Variants in DNM3 observed in about 807,000 individuals in gnomAD.
DNM3 encodes dynamin 3, also known as dynamin-3.
In DNM3, 47 loss-of-function variants were observed where a neutral mutation model predicts 101.6. The observed-to-expected ratio is 0.46, with a 90% CI of 0.37 to 0.59. DNM3 has a LOEUF of 0.59. Ranked by LOEUF, DNM3 falls within the 20% of genes least tolerant of loss-of-function variation. The probability of loss-of-function intolerance (pLI) is 0.00; values close to 1 mark genes in which losing one functional copy is unlikely to be tolerated. For synonymous variants in DNM3, 385 were observed against 387.9 expected, an observed-to-expected ratio of 0.99 and a Z score of 0.09; for missense variants, 849 against 1,085.7, an observed-to-expected ratio of 0.78 and a Z score of 3.06.
At chr1:172,040,437 T>C (rs534615152) in intron 7 of DNM3, among the ~76,000 whole-genome samples, 21 of 152,272 alleles carry the variant, frequency 1.4e-4, no homozygotes, top group Non-Finnish European at 2.5e-4. Flanking sequence ...TATGTTTAAA[T>C]TGGAGTTTCT....
chr1:172,356,772 A>T (rs779460819), intron 17 of DNM3, among the ~76,000 whole-genome samples: 1 of 152,012 alleles, frequency 6.6e-6, no homozygotes, highest in Non-Finnish European at 1.5e-5. Context: ...ACTCACTGTG[A>T]CTCACAGAAA....
intron 1 of DNM3, among the ~76,000 whole-genome samples, chr1:171,914,181 G>C (rs148791417): frequency 0.011 from 1,729 of 151,590 alleles, 32 homozygotes; most frequent in African/African-American, 0.039. Context: ...TTTTGAGATG[G>C]AGTTTTGCTC....
intron 15 of DNM3, among the ~76,000 whole-genome samples, chr1:172,266,572 A>T (rs1408139933): frequency 2.0e-5 from 3 of 152,242 alleles, no homozygotes; most frequent in Non-Finnish European, 4.4e-5. Flanking sequence ...AATGTTTAAG[A>T]CATTACTTCT....
At position 171,912,377 on chromosome 1, in the gene DNM3, C is replaced by T. The variant is rs185746750; in HGVS notation, c.162-9371C>T. Reference sequence around the variant, plus strand: ...TATCAAATAAGTTTCATTAGGGGAACCATAATGAAAAGAAGGGTGAGAAAC... The same window carrying T: ...TATCAAATAAGTTTCATTAGGGGAATCATAATGAAAAGAAGGGTGAGAAAC... On this transcript the variant is annotated intron_variant, in intron 1 of 20. Coordinates refer to ENST00000627582, the MANE Select transcript of DNM3 (RefSeq NM_015569.5). Among the ~76,000 whole-genome samples, 3 of 152,112 alleles carry T rather than the reference C, an allele frequency of 2.0e-5. No homozygotes were observed. In the East Asian group the frequency reaches 5.8e-4, roughly 29 times the overall value.
chr1:172,092,814 C>A lies in DNM3; in HGVS notation c.1494-10C>A. 2.6e-6 allele frequency: 4 copies of A among 1,552,720 alleles called. No individual in the cohort carries two copies. Among genetic ancestry groups the A allele is most frequent in the Non-Finnish European group, 3.5e-6 (4 of 1,147,876 alleles). ...GTCTCTTCAGTGCTGCTTTCCTTTG[C>A]TTTTCTCAGTGCTCAGCAGAGGAGC... On this transcript the variant is annotated splice_polypyrimidine_tract_variant and intron_variant, in intron 12 of 20. Coordinates refer to ENST00000627582, the MANE Select transcript of DNM3 (RefSeq NM_015569.5).
intron 2 of DNM3, among the ~76,000 whole-genome samples, chr1:171,961,250 C>A (rs755784580): frequency 6.6e-6 from 1 of 152,112 alleles, no homozygotes; most frequent in Non-Finnish European, 1.5e-5. Flanking sequence ...CAGCAGTGCA[C>A]TCCAGCCTGG....
At chr1:172,239,670 A>G (rs1457537645) in intron 14 of DNM3, among the ~76,000 whole-genome samples, 1 of 152,100 alleles carries the variant, frequency 6.6e-6, no homozygotes, top group Non-Finnish European at 1.5e-5. Context: ...TGCAGTGAAC[A>G]CAGAGAGCAC....
chr1:172,077,876 ATCTG>A (rs1241507150), intron 11 of DNM3, among the ~76,000 whole-genome samples: 1 of 152,124 alleles, frequency 6.6e-6, no homozygotes, highest in Non-Finnish European at 1.5e-5. Flanking sequence ...TGTCTCGTTG[ATCTG>A]TCTAATATTG....
intron 13 of DNM3, among the ~76,000 whole-genome samples, chr1:172,094,244 T>G (rs1442331227): frequency 6.6e-6 from 1 of 152,164 alleles, no homozygotes; most frequent in Admixed American, 6.6e-5. Flanking sequence ...AAAAGCAAAG[T>G]TATAGTGATG....
Position 172,069,717 on chromosome 1 carries a change from T to C in DNM3, c.1422+812T>C, listed in dbSNP as rs547241417. On this transcript the variant is annotated intron_variant, in intron 11 of 20. Coordinates refer to ENST00000627582, the MANE Select transcript of DNM3 (RefSeq NM_015569.5). Reference sequence around the variant, plus strand: ...TGGAGAGAACACTGGACTTAGGCCATGTGCTCGCCACAAAATAACATCATG... The same window carrying C: ...TGGAGAGAACACTGGACTTAGGCCACGTGCTCGCCACAAAATAACATCATG... Among the ~76,000 whole-genome samples the C allele has an allele frequency of 1.1e-4, 17 of 152,332 alleles. No homozygotes were observed. The East Asian group carries it at 2.3e-3, about 21-fold the overall frequency.
At position 171,926,000 on chromosome 1, in the gene DNM3, C is replaced by T. The variant is rs144732227; in HGVS notation, c.235+4179C>T. ...TTGTTTTTGTTGACTTTGTGGAAGA[C>T]GTGTTGGTTGAAAATATGTGGCTTT... is the stretch of plus-strand genomic sequence containing the variant. On this transcript the variant is annotated intron_variant, in intron 2 of 20. Transcript: ENST00000627582. Among the ~76,000 whole-genome samples, 1,163 of 152,166 alleles carry T rather than the reference C, an allele frequency of 7.6e-3. 14 individuals are homozygous for T. The highest frequency in any genetic ancestry group is 0.026 in the African/African-American group (1,091 of 41,532).
intron 17 of DNM3, among the ~76,000 whole-genome samples, chr1:172,325,422 C>A (rs759870661): frequency 6.6e-6 from 1 of 152,040 alleles, no homozygotes; most frequent in Non-Finnish European, 1.5e-5. Context: ...GTATTTATTG[C>A]CCCATGCCTT....
rs941422863 is a variant in DNM3 at position 172,394,876 on chromosome 1, T to TA, written c.2522+6077dup. ...ATGTTAGCTCAAAGAAAGGGGGGTTTAAAAAAAAAAGTTTTGCCCAGTGTA... is the reference window on the plus strand; with the variant it reads ...ATGTTAGCTCAAAGAAAGGGGGGTTTAAAAAAAAAAAGTTTTGCCCAGTGTA... On this transcript the variant is annotated intron_variant, in intron 20 of 20. Coordinates refer to ENST00000627582, the MANE Select transcript of DNM3 (RefSeq NM_015569.5). Among the ~76,000 whole-genome samples the TA allele has an allele frequency of 4.6e-5, 7 of 150,634 alleles. No homozygotes were observed. The South Asian group carries it at 6.3e-4, about 14-fold the overall frequency.
chr1:172,191,885 G>GA (rs1281537568), intron 14 of DNM3, among the ~76,000 whole-genome samples: 3 of 152,178 alleles, frequency 2.0e-5, no homozygotes, highest in Admixed American at 2.0e-4. Flanking sequence ...AGACTTTGCT[G>GA]AAGTTGCTTA....
In DNM3 at chr1:172,012,928, C is replaced by T. The variant is rs12022761; in HGVS notation, c.590-19474C>T. Among the ~76,000 whole-genome samples, 98 of 151,986 alleles carry T rather than the reference C, an allele frequency of 6.4e-4. No individual in the cohort carries two copies. In the East Asian group the frequency reaches 0.017, roughly 27 times the overall value. ...AGACAAAACTCTTCCTATTCATCAC[C>T]GTTTGCTTTCAGAATTAAAATATTC... On this transcript the variant is annotated intron_variant, in intron 4 of 20. Transcript: ENST00000627582.
At chr1:172,095,160 C>G (rs1237841880) in intron 13 of DNM3, among the ~76,000 whole-genome samples, 1 of 152,122 alleles carries the variant, frequency 6.6e-6, no homozygotes, top group African/African-American at 2.4e-5. Flanking sequence ...CCAGACATGC[C>G]TTGAAGGTCA....
intron 17 of DNM3, among the ~76,000 whole-genome samples, chr1:172,369,635 A>G (rs368335960): frequency 4.5e-4 from 69 of 152,110 alleles, no homozygotes; most frequent in Middle Eastern, 3.4e-3. Context: ...TTGGCAAGAG[A>G]AAGAAATGTG....
intron 4 of DNM3, among the ~76,000 whole-genome samples, chr1:172,016,714 C>G (rs2047478647): frequency 6.6e-6 from 1 of 152,034 alleles, no homozygotes; most frequent in African/African-American, 2.4e-5. Flanking sequence ...ATCAGTGAAC[C>G]CATCTGGGCC....
intron 14 of DNM3, among the ~76,000 whole-genome samples, chr1:172,143,947 T>C (rs1439940031): frequency 6.6e-6 from 1 of 152,116 alleles, no homozygotes; most frequent in Non-Finnish European, 1.5e-5. Context: ...ACTATCCATA[T>C]AGCATTTAAA....
Sources: gnomAD v4.1 joint callset for allele counts (sites outside exome capture counted in the v4.1 genomes callset) on GRCh38, gnomAD v4.1.1 for gene constraint, MANE v1.5 for transcripts, NCBI Gene and HGNC (gene_info 2026-07-23, HGNC 2026-07-21) for gene names.